The following MARCHF3 variants were observed in gnomAD, a reference collection of about 807,000 sequenced individuals.
MARCHF3 encodes the protein membrane associated ring-CH-type finger 3.
Under a neutral mutation model 24.2 loss-of-function variants are expected in MARCHF3, and 13 were observed. That is an observed-to-expected ratio of 0.54 (90% CI 0.35 to 0.85). The LOEUF is 0.85. MARCHF3 is among the 40% of genes least tolerant of loss of function. The pLI is 0.01. For missense variants in MARCHF3, 276 were observed against 325.0 expected (o/e 0.85, Z 1.16); for synonymous variants, 144 against 137.3 (o/e 1.05, Z -0.34).
intron 1 of MARCHF3, among the ~76,000 whole-genome samples, chr5:126,992,994 G>A (rs768665232): frequency 2.0e-5 from 3 of 151,976 alleles, no homozygotes; most frequent in Non-Finnish European, 4.4e-5. Context: ...GGATGGTCTC[G>A]ATCTCCTGAC....
chr5:126,960,671 TTAAA>T (rs1227594636), intron 1 of MARCHF3, among the ~76,000 whole-genome samples: 1 of 152,126 alleles, frequency 6.6e-6, no homozygotes, highest in Non-Finnish European at 1.5e-5. Context: ...TTTTGATGAC[TTAAA>T]TACTTTAGAA....
At chr5:127,026,093 T>C (rs1164055735) in intron 1 of MARCHF3, among the ~76,000 whole-genome samples, 2 of 149,488 alleles carry the variant, frequency 1.3e-5, no homozygotes, top group Non-Finnish European at 1.5e-5. Flanking sequence ...AAGAATGCCA[T>C]AGCTAAAAAA....
intron 1 of MARCHF3, chr5:126,946,433 T>A (rs1750013517): frequency 6.7e-6 from 1 of 149,430 alleles, no homozygotes; most frequent in African/African-American, 2.5e-5. Flanking sequence ...GTCCATCACA[T>A]GTTGCAAAGT....
chr5:127,024,439 A>C (rs938099259), intron 1 of MARCHF3, among the ~76,000 whole-genome samples: 1 of 152,212 alleles, frequency 6.6e-6, no homozygotes, highest in Non-Finnish European at 1.5e-5. Context: ...GGGCTCCAAG[A>C]GGGAGAATAC....
intron 1 of MARCHF3, among the ~76,000 whole-genome samples, chr5:126,988,142 T>TTA (rs1012705126): frequency 9.9e-5 from 15 of 152,024 alleles, no homozygotes; most frequent in Non-Finnish European, 2.1e-4. Flanking sequence ...CCCCAGGTAT[T>TTA]TAAATCCTTT....
intron 1 of MARCHF3, among the ~76,000 whole-genome samples, chr5:126,990,728 G>C (rs1751730063): frequency 6.6e-6 from 1 of 152,156 alleles, no homozygotes; most frequent in Admixed American, 6.5e-5. Context: ...CCATCAAAAA[G>C]TGGGCAAAGG....
chr5:126,910,865 C>A (rs1388965566), intron 3 of MARCHF3, among the ~76,000 whole-genome samples: 1 of 152,198 alleles, frequency 6.6e-6, no homozygotes, highest in Non-Finnish European at 1.5e-5. Context: ...TATTTCTCTT[C>A]TTTCAAAAGC....
chr5:127,005,133 CT>C lies in MARCHF3; in HGVS notation c.-57+25216del, dbSNP rs937505290. Among the ~76,000 whole-genome samples the C allele has an allele frequency of 3.0e-3, 369 of 122,446 alleles. 1 individual carries two copies. Among genetic ancestry groups the C allele is most frequent in the African/African-American group, 6.6e-3 (207 of 31,318 alleles). 80.3% of individuals were successfully genotyped at this position (122,446 alleles called of 152,430 possible). On this transcript the variant is annotated intron_variant, in intron 1 of 4. Coordinates refer to ENST00000308660, the MANE Select transcript of MARCHF3 (RefSeq NM_178450.5). Reference sequence around the variant, plus strand: ...GGAATGACATACATGCTCAGAAAGTCTTTTTTTTTTTTTTTTTTTTTGAGAT... The same window carrying C: ...GGAATGACATACATGCTCAGAAAGTCTTTTTTTTTTTTTTTTTTTTGAGAT...
chr5:126,924,412 A>C (rs1749227004), intron 1 of MARCHF3, among the ~76,000 whole-genome samples: 1 of 152,228 alleles, frequency 6.6e-6, no homozygotes, highest in African/African-American at 2.4e-5. Flanking sequence ...GAAACGGGAA[A>C]AAAAATGGCA....
chr5:127,023,474 T>C (rs1752879444), intron 1 of MARCHF3, among the ~76,000 whole-genome samples: 1 of 152,166 alleles, frequency 6.6e-6, no homozygotes, highest in African/African-American at 2.4e-5. Context: ...CTCACACCTG[T>C]AACCCCAGCA....
At chr5:126,938,068 T>C (rs1749704250) in intron 1 of MARCHF3, among the ~76,000 whole-genome samples, 1 of 152,134 alleles carries the variant, frequency 6.6e-6, no homozygotes, top group Admixed American at 6.5e-5. Flanking sequence ...TTGCAGCAGC[T>C]ATCACTGACA....
chr5:126,887,489 A>G (rs1246626845), intron 3 of MARCHF3, among the ~76,000 whole-genome samples: 1 of 152,246 alleles, frequency 6.6e-6, no homozygotes, highest in Non-Finnish European at 1.5e-5. Context: ...TACATTTTAT[A>G]TTACAAGTGT....
chr5:126,896,254 A>G (rs914882767), intron 3 of MARCHF3, among the ~76,000 whole-genome samples: 2 of 152,154 alleles, frequency 1.3e-5, no homozygotes, highest in African/African-American at 2.4e-5. Flanking sequence ...ATGGAAATGC[A>G]GAAATCACCG....
At chr5:126,936,472 C>A (rs1749650347) in intron 1 of MARCHF3, among the ~76,000 whole-genome samples, 1 of 151,902 alleles carries the variant, frequency 6.6e-6, no homozygotes, top group Non-Finnish European at 1.5e-5. Flanking sequence ...CTGGAAAACA[C>A]AATATAAGGC....
chr5:126,887,300 A>G (rs530303856), intron 3 of MARCHF3, among the ~76,000 whole-genome samples: 16 of 152,376 alleles, frequency 1.1e-4, no homozygotes, highest in African/African-American at 3.8e-4. Context: ...ATTGAAATAG[A>G]ACATTCCATT....
At chr5:126,894,616 C>T (rs1189533227) in intron 3 of MARCHF3, among the ~76,000 whole-genome samples, 86 of 151,912 alleles carry the variant, frequency 5.7e-4, no homozygotes, top group African/African-American at 2.0e-3. Flanking sequence ...AATATTGGCC[C>T]CCACTCTCTT....
At chr5:126,985,878 G>A (rs1751549077) in intron 1 of MARCHF3, among the ~76,000 whole-genome samples, 1 of 152,288 alleles carries the variant, frequency 6.6e-6, no homozygotes, top group Admixed American at 6.5e-5. Flanking sequence ...ACCTGACCTT[G>A]AGAGTATTTT....
chr5:126,988,058 T>C (rs950682663), intron 1 of MARCHF3, among the ~76,000 whole-genome samples: 1 of 152,232 alleles, frequency 6.6e-6, no homozygotes, highest in Non-Finnish European at 1.5e-5. Flanking sequence ...TAAAAAAAAC[T>C]GTCTAGAAAG....
At chr5:126,883,451 A>T (rs1436870057) in intron 3 of MARCHF3, among the ~76,000 whole-genome samples, 2 of 152,176 alleles carry the variant, frequency 1.3e-5, no homozygotes, top group Admixed American at 6.5e-5. Flanking sequence ...CTGAACCATG[A>T]GGTTGATCAA....
Sources: allele counts gnomAD v4.1 joint callset (sites outside exome capture counted in the v4.1 genomes callset), GRCh38; gene constraint gnomAD v4.1.1; transcripts MANE v1.5; gene names NCBI Gene and HGNC (gene_info 2026-07-23, HGNC 2026-07-21).